The following C2CD2 variants were observed in gnomAD, a reference collection of about 807,000 sequenced individuals.
C2CD2 encodes C2 calcium dependent domain containing 2, also known as C2 domain-containing protein 2.
In C2CD2, 43 loss-of-function variants were observed where a neutral mutation model predicts 74.3. The observed-to-expected ratio is 0.58, with a 90% CI of 0.45 to 0.75. C2CD2 has a LOEUF of 0.75. C2CD2 is among the 30% of genes least tolerant of loss of function. The probability of loss-of-function intolerance (pLI) is 0.00; values close to 1 mark genes in which losing one functional copy is unlikely to be tolerated. For synonymous variants in C2CD2, 422 were observed against 390.7 expected, an observed-to-expected ratio of 1.08 and a Z score of -0.94; for missense variants, 801 against 916.3, an observed-to-expected ratio of 0.87 and a Z score of 1.63.
intron 9 of C2CD2, 64 bp from the exon 10 acceptor site, chr21:41,907,230 T>G: frequency 8.1e-7 from 1 of 1,231,810 alleles, no homozygotes; most frequent in Non-Finnish European, 1.2e-6. Flanking sequence ...ATCAGCCAGG[T>G]AACACTGCCT....
At chr21:41,901,858 C>A in intron 11 of C2CD2, 109 bp from the exon 12 acceptor site, 1 of 965,070 alleles carries the variant, frequency 1.0e-6, no homozygotes, top group East Asian at 2.6e-5. Context: ...CAGATATTTT[C>A]TAAAAGGGGC....
At position 41,885,257 on chromosome 21, in the gene C2CD2, T is replaced by C. The variant is rs566651407; in HGVS notation, c.*3867A>G. The stretch of plus-strand genomic sequence containing the variant: ...AAGTGCTACTGAGGAATACAATCAT[T>C]GTCACGTAAGTTCATCACCGCACTC... On this transcript the variant is annotated 3_prime_UTR_variant, in exon 14 of 14. Transcript: ENST00000380486. 6.6e-6 allele frequency: 1 copy of C among 152,342 alleles called. No homozygotes were observed. The highest frequency in any genetic ancestry group is 2.4e-5 in the African/African-American group (1 of 41,570). 9.4% of individuals were successfully genotyped at this position (152,342 alleles called of 1,614,324 possible).
rs1357031302 is a variant in C2CD2, at chr21:41,926,032, C to T, written c.379-3947G>A. 6.6e-6 allele frequency among the ~76,000 whole-genome samples: 1 copy of T among 152,126 alleles called. No homozygotes were observed. On this transcript the variant is annotated intron_variant, in intron 2 of 13. Coordinates refer to ENST00000380486, the MANE Select transcript of C2CD2 (RefSeq NM_015500.2). This position sits in a 1 kb window ranked among gnomAD's most constrained non-coding sequence, Gnocchi z 8.0. ...CCTCTGAAACAGTCTGCTATTAATA[C>T]AGGATTTTAAAAAGTTAAATAGAAG...
chr21:41,905,687 G>T, intron 11 of C2CD2, 37 bp downstream of exon 11: 1 of 1,092,598 alleles, frequency 9.2e-7, no homozygotes, highest in Non-Finnish European at 1.4e-6. Context: ...GCCCAAAGGT[G>T]CTAAGAGGGA....
In C2CD2 at chr21:41,895,694, C is replaced by T. The variant is rs2064813809; in HGVS notation, c.1870+3359G>A. Among the ~76,000 whole-genome samples the T allele has an allele frequency of 6.6e-6, 1 of 152,182 alleles. No homozygotes were observed. The highest frequency in any genetic ancestry group is 2.4e-5 in the African/African-American group (1 of 41,444). ...AAACAAATACGTGAAAGAATTTAAACATAATTAATCTAAATTATAGCTCTA... is the reference window on the plus strand; with the variant it reads ...AAACAAATACGTGAAAGAATTTAAATATAATTAATCTAAATTATAGCTCTA... On this transcript the variant is annotated intron_variant, in intron 13 of 13. Transcript: ENST00000380486. The surrounding 1 kb of genome is among the most constrained non-coding windows in gnomAD (Gnocchi z 5.0).
intron 8 of C2CD2, 48 bp downstream of exon 8, chr21:41,909,411 G>A (rs756640124): frequency 5.4e-5 from 70 of 1,303,844 alleles, no homozygotes; most frequent in Admixed American, 4.5e-4. Context: ...GTCATGCAGC[G>A]GAGGACCTTT....
chr21:41,947,139 T>TCTCTCTCTCTCTCTCTCTCTAC (rs1365076208), intron 1 of C2CD2, among the ~76,000 whole-genome samples: 1 of 122,286 alleles, frequency 8.2e-6, no homozygotes, highest in Non-Finnish European at 1.7e-5. Context: ...TCTCTCTCTC[T>TCTCTCTCTCTCTCTCTCTCTAC]CCCTCCCTCC....
rs967927171 is a variant in C2CD2, at chr21:41,948,870, C to CTTTTTTTTTTTTTTTTTTTTTT, written c.279+4478_279+4499dup. On this transcript the variant is annotated intron_variant, in intron 1 of 13. Coordinates refer to ENST00000380486, the MANE Select transcript of C2CD2 (RefSeq NM_015500.2). ...AATATGTTCCAAGTCCACACAGCAT[C>CTTTTTTTTTTTTTTTTTTTTTT]TTTTTTTTTTTTTTTTTTTTTTCTT... Among the ~76,000 whole-genome samples, 31 of 80,686 alleles carry CTTTTTTTTTTTTTTTTTTTTTT rather than the reference C, an allele frequency of 3.8e-4. 10 individuals carry two copies. The highest frequency in any genetic ancestry group is 5.6e-4 in the Non-Finnish European group (24 of 43,190). 52.9% of individuals were successfully genotyped at this position (80,686 alleles called of 152,430 possible).
At position 41,944,244 on chromosome 21, in the gene C2CD2, G is replaced by A. The variant is rs184371640; in HGVS notation, c.280-1999C>T. Among the ~76,000 whole-genome samples, 23 of 152,240 alleles carry A rather than the reference G, an allele frequency of 1.5e-4. No individual in the cohort carries two copies. In the East Asian group the frequency reaches 2.3e-3, roughly 15 times the overall value. On this transcript the variant is annotated intron_variant, in intron 1 of 13. Coordinates refer to ENST00000380486, the MANE Select transcript of C2CD2 (RefSeq NM_015500.2). ...AAAAGAGTTTGCAGCCGGGTGCCAC[G>A]GCTCACGCCTGTAACCCCAGCACTT...
chr21:41,935,082 G>T (rs2065295512), intron 2 of C2CD2, among the ~76,000 whole-genome samples: 2 of 152,088 alleles, frequency 1.3e-5, no homozygotes, highest in South Asian at 4.1e-4. Context: ...AGTAGAGACG[G>T]GGTTTCACCA....
rs1267603855 is a variant in C2CD2, at chr21:41,892,670, A to G, written c.1871-3326T>C. Reference sequence around the variant, plus strand: ...GGACACTGGGCATGAGCATTTTTCAAAAGTTCCCAGGTCTTTTGAACATGC... The same window carrying G: ...GGACACTGGGCATGAGCATTTTTCAGAAGTTCCCAGGTCTTTTGAACATGC... On this transcript the variant is annotated intron_variant, in intron 13 of 13. Coordinates refer to ENST00000380486, the MANE Select transcript of C2CD2 (RefSeq NM_015500.2). The surrounding 1 kb of genome is among the most constrained non-coding windows in gnomAD (Gnocchi z 4.6). 6.6e-6 allele frequency among the ~76,000 whole-genome samples: 1 copy of G among 152,144 alleles called. No homozygotes were observed. Among genetic ancestry groups the G allele is most frequent in the South Asian group, 2.1e-4 (1 of 4,834 alleles).
At chr21:41,941,927 G>C (rs77512632) in intron 2 of C2CD2, among the ~76,000 whole-genome samples, 1 of 152,192 alleles carries the variant, frequency 6.6e-6, no homozygotes, top group Non-Finnish European at 1.5e-5. Flanking sequence ...GCACCGGAGC[G>C]AGTGTCAGAA....
In C2CD2 at chr21:41,939,526, G is replaced by A. The variant is rs188755171; in HGVS notation, c.378+2621C>T. The stretch of plus-strand genomic sequence containing the variant: ...CCTGGGAAGGCACTTCCAAAGCAGC[G>A]GGCTCCAGGAGGGCAGGCCCACGGC... On this transcript the variant is annotated intron_variant, in intron 2 of 13. Transcript: ENST00000380486. This position sits in a 1 kb window ranked among gnomAD's most constrained non-coding sequence, Gnocchi z 5.5. Among the ~76,000 whole-genome samples, 9 of 152,230 alleles carry A rather than the reference G, an allele frequency of 5.9e-5. No homozygotes were observed. In the South Asian group the frequency reaches 8.3e-4, roughly 14 times the overall value.
chr21:41,890,119 G>A (rs1458838688), intron 13 of C2CD2, among the ~76,000 whole-genome samples: 1 of 152,148 alleles, frequency 6.6e-6, no homozygotes, highest in African/African-American at 2.4e-5. Context: ...AAGACCCTGA[G>A]AACAATGGTA....
intron 1 of C2CD2, among the ~76,000 whole-genome samples, chr21:41,951,134 G>A (rs965919264): frequency 6.6e-6 from 1 of 152,140 alleles, no homozygotes; most frequent in African/African-American, 2.4e-5. Context: ...AGGATGCTGG[G>A]ATGTGTGTGA....
At chr21:41,950,184 C>T (rs1487394195) in intron 1 of C2CD2, among the ~76,000 whole-genome samples, 1 of 151,998 alleles carries the variant, frequency 6.6e-6, no homozygotes, top group Non-Finnish European at 1.5e-5. Flanking sequence ...TGATGGATGG[C>T]AAGTGTGTAC....
At position 41,916,194 on chromosome 21, in the gene C2CD2, T is replaced by C. The variant is rs867564900; in HGVS notation, c.721-1473A>G. On this transcript the variant is annotated intron_variant, in intron 5 of 13. Coordinates refer to ENST00000380486, the MANE Select transcript of C2CD2 (RefSeq NM_015500.2). ...ACTTGTCTGGGACAGAGATGAAATCTTTTTTTTCAATTGCTGAGGGTGATG... is the reference window on the plus strand; with the variant it reads ...ACTTGTCTGGGACAGAGATGAAATCCTTTTTTTCAATTGCTGAGGGTGATG... 3.3e-5 allele frequency among the ~76,000 whole-genome samples: 5 copies of C among 152,076 alleles called. No homozygotes were observed. In the South Asian group the frequency reaches 8.3e-4, roughly 25 times the overall value.
intron 2 of C2CD2, among the ~76,000 whole-genome samples, chr21:41,932,751 GA>G (rs201071713): frequency 0.035 from 5,236 of 150,766 alleles, 313 homozygotes; most frequent in African/African-American, 0.067. Flanking sequence ...CCTGTGGGAT[GA>G]CTCAAGCTGC....
intron 8 of C2CD2, 114 bp from the exon 9 acceptor site, chr21:41,907,898 C>G: frequency 1.9e-6 from 2 of 1,054,030 alleles, no homozygotes; most frequent in South Asian, 1.3e-5. Flanking sequence ...GCATCCAGCC[C>G]ACGGGGAAGT....
Sources: allele counts gnomAD v4.1 joint callset (sites outside exome capture counted in the v4.1 genomes callset), GRCh38; gene constraint gnomAD v4.1.1; non-coding constraint Gnocchi (gnomAD v3.1); transcripts MANE v1.5; gene names NCBI Gene and HGNC (gene_info 2026-07-23, HGNC 2026-07-21).